GNAI1: variants seen among roughly 807,000 people sequenced by gnomAD.
GNAI1 encodes guanine nucleotide-binding protein G(i) subunit alpha-1.
A neutral mutation model predicts 38.9 loss-of-function variants in GNAI1; 11 were observed. The observed-to-expected ratio is 0.28, with a 90% CI of 0.18 to 0.47. The LOEUF (loss-of-function observed/expected upper bound fraction) is 0.47. Among genes scored for constraint, GNAI1 ranks in the 20% least tolerant of loss-of-function variants. GNAI1 has a pLI of 0.99. For synonymous variants in GNAI1, 166 were observed against 145.1 expected (o/e 1.14, Z -1.04); for missense variants, 317 against 436.9 (o/e 0.73, Z 2.45).
chr7:80,206,671 T>C (rs1304434669), intron 5 of GNAI1, among the ~76,000 whole-genome samples: 1 of 152,034 alleles, frequency 6.6e-6, no homozygotes, highest in African/African-American at 2.4e-5. Flanking sequence ...ACTTAAATTA[T>C]GTTCAGGTAA....
chr7:80,166,879 G>T (rs1278773420), intron 1 of GNAI1, among the ~76,000 whole-genome samples: 2 of 152,080 alleles, frequency 1.3e-5, no homozygotes, highest in Non-Finnish European at 2.9e-5. Flanking sequence ...TCCCTTTTTA[G>T]TCTTTAGATT....
chr7:80,163,284 C>T (rs578167527), intron 1 of GNAI1, among the ~76,000 whole-genome samples: 245 of 152,322 alleles, frequency 1.6e-3, no homozygotes, highest in Middle Eastern at 0.014. Context: ...TCCTACACCT[C>T]AGCATGCATA....
intron 1 of GNAI1, among the ~76,000 whole-genome samples, chr7:80,145,641 G>T (rs1787606664): frequency 6.6e-6 from 1 of 151,786 alleles, no homozygotes; most frequent in African/African-American, 2.4e-5. Context: ...TTATTTTCTG[G>T]CTTTTTCAAA....
chr7:80,155,901 A>G (rs899019291), intron 1 of GNAI1, among the ~76,000 whole-genome samples: 2 of 151,994 alleles, frequency 1.3e-5, no homozygotes, highest in African/African-American at 4.8e-5. Context: ...TAAAATTACA[A>G]AAATATTAGG....
Position 80,224,611 on chromosome 7 carries a change from C to T in GNAI1, c.*7118C>T, listed in dbSNP as rs1230235088. ...GATGTTAATAAGTATGCATGATGCA[C>T]ATTAGCATGTCAATGGCTGTGAAAA... On this transcript the variant is annotated 3_prime_UTR_variant, in exon 8 of 8. Transcript: ENST00000649796. Among the ~76,000 whole-genome samples, 2 of 152,148 alleles carry T rather than the reference C, an allele frequency of 1.3e-5. No individual in the cohort carries two copies. The highest frequency in any genetic ancestry group is 2.9e-5 in the Non-Finnish European group (2 of 68,038).
intron 1 of GNAI1, among the ~76,000 whole-genome samples, chr7:80,186,520 T>G (rs1788388883): frequency 6.6e-6 from 1 of 152,220 alleles, no homozygotes; most frequent in Admixed American, 6.5e-5. Flanking sequence ...TTAAACATTC[T>G]CATTTGTACA....
At chr7:80,202,079 T>G (rs1451180389) in intron 4 of GNAI1, among the ~76,000 whole-genome samples, 1 of 152,010 alleles carries the variant, frequency 6.6e-6, no homozygotes, top group African/African-American at 2.4e-5. Context: ...AGTTTTTTTG[T>G]TGTTGTTGTT....
At chr7:80,162,652 G>T (rs185810323) in intron 1 of GNAI1, among the ~76,000 whole-genome samples, 1 of 152,004 alleles carries the variant, frequency 6.6e-6, no homozygotes, top group Admixed American at 6.6e-5. Context: ...CTCCACCTAC[G>T]AAGAAACCCT....
At position 80,189,107 on chromosome 7, in the gene GNAI1, G is replaced by C. The variant is rs1353589309; in HGVS notation, c.179G>C (p.Gly60Ala). 1 of 1,604,850 alleles carries C rather than the reference G, an allele frequency of 6.2e-7. No homozygotes were observed. The highest frequency in any genetic ancestry group is 8.5e-7 in the Non-Finnish European group (1 of 1,175,716). ...VKQMKIIHEA[G>A]YSEEECKQYK... ...CTCATTAGAATTATCCATGAAGCTG[G>C]TTATTCAGAAGAGGAGTGTAAACAA... Residue 60 changes from glycine (G) to alanine (A), a missense_variant, in exon 3 of 8, where the codon GGT becomes GCT. Gly to Ala is a moderately conservative substitution (Grantham distance 60). Around this residue, in one of 5 missense-constraint regions of GNAI1, gnomAD observed 40 missense variants for 78.0 expected, o/e 0.51. Coordinates refer to ENST00000649796, the MANE Select transcript of GNAI1 (RefSeq NM_002069.6).
chr7:80,165,281 G>A (rs1481180779), intron 1 of GNAI1, among the ~76,000 whole-genome samples: 1 of 152,138 alleles, frequency 6.6e-6, no homozygotes, highest in Non-Finnish European at 1.5e-5. Flanking sequence ...GATATTAGGT[G>A]ACCTTTCAAG....
intron 1 of GNAI1, among the ~76,000 whole-genome samples, chr7:80,147,456 A>C (rs1429216682): frequency 4.0e-5 from 6 of 151,396 alleles, no homozygotes. Flanking sequence ...GAGGGCCCTC[A>C]CCAAGAACCA....
intron 3 of GNAI1, among the ~76,000 whole-genome samples, chr7:80,195,711 C>T (rs1282203726): frequency 6.6e-6 from 1 of 151,978 alleles, no homozygotes; most frequent in Non-Finnish European, 1.5e-5. Flanking sequence ...GAAGGGCTTG[C>T]AGATCTTTTT....
At chr7:80,142,125 T>C (rs1787537427) in intron 1 of GNAI1, among the ~76,000 whole-genome samples, 1 of 152,206 alleles carries the variant, frequency 6.6e-6, no homozygotes, top group South Asian at 2.1e-4. Context: ...CAAGACCACC[T>C]AGACTTTTTC....
intron 7 of GNAI1, among the ~76,000 whole-genome samples, chr7:80,216,550 C>T (rs1415499058): frequency 6.6e-6 from 1 of 152,136 alleles, no homozygotes; most frequent in Non-Finnish European, 1.5e-5. Context: ...TTCTTTTGCT[C>T]AACAGTACAC....
At chr7:80,165,390 AG>A (rs1787996462) in intron 1 of GNAI1, among the ~76,000 whole-genome samples, 2 of 152,160 alleles carry the variant, frequency 1.3e-5, no homozygotes, top group African/African-American at 4.8e-5. Context: ...TGTCATTTAA[AG>A]GGCTGTTAAC....
At chr7:80,141,699 A>G (rs1787528754) in intron 1 of GNAI1, among the ~76,000 whole-genome samples, 2 of 152,060 alleles carry the variant, frequency 1.3e-5, no homozygotes, top group South Asian at 4.1e-4. Context: ...ATTTCATTTC[A>G]TATTCTTTTA....
rs192200400 is a variant in GNAI1 at position 80,161,367 on chromosome 7, A to T, written c.118+26089A>T. On this transcript the variant is annotated intron_variant, in intron 1 of 7. Coordinates refer to ENST00000649796, the MANE Select transcript of GNAI1 (RefSeq NM_002069.6). ...TTTGTGTTAAGGAAATTAGAATCTT[A>T]TATCAGCAACAGTATTTTTTTGATA... Among the ~76,000 whole-genome samples, 143 of 152,316 alleles carry T rather than the reference A, an allele frequency of 9.4e-4. 1 individual carries two copies. The highest frequency in any genetic ancestry group is 3.5e-3 in the South Asian group (17 of 4,820).
chr7:80,172,371 T>G (rs1225699403), intron 1 of GNAI1, among the ~76,000 whole-genome samples: 1 of 152,190 alleles, frequency 6.6e-6, no homozygotes, highest in Admixed American at 6.5e-5. Flanking sequence ...TTTGAATATG[T>G]TAATATGCAG....
intron 1 of GNAI1, among the ~76,000 whole-genome samples, chr7:80,143,320 T>C (rs1377001779): frequency 6.6e-6 from 1 of 152,144 alleles, no homozygotes; most frequent in Non-Finnish European, 1.5e-5. Flanking sequence ...AGTGTCAATA[T>C]TGGGACTTCA....
Sources: allele counts gnomAD v4.1 joint callset (sites outside exome capture counted in the v4.1 genomes callset), GRCh38; gene constraint gnomAD v4.1.1; regional missense constraint gnomAD v4.1.1; transcripts MANE v1.5; gene names NCBI Gene and HGNC (gene_info 2026-07-23, HGNC 2026-07-21).